NLRC5: variants seen among roughly 807,000 people sequenced by gnomAD.
The protein encoded by NLRC5 is NLR family CARD domain containing 5.
A neutral mutation model predicts 206.9 loss-of-function variants in NLRC5; 114 were observed. The observed-to-expected ratio is 0.55, with a 90% CI of 0.47 to 0.64. The LOEUF (loss-of-function observed/expected upper bound fraction) is 0.64. Among genes scored for constraint, NLRC5 ranks in the 30% least tolerant of loss-of-function variants. NLRC5 has a pLI of 0.00. For missense variants in NLRC5, 2,008 were observed against 2,305.5 expected, an observed-to-expected ratio of 0.87 and a Z score of 2.64; for synonymous variants, 952 against 962.8, an observed-to-expected ratio of 0.99 and a Z score of 0.21.
At chr16:57,038,238 G>A (rs911724931) in intron 15 of NLRC5, among the ~76,000 whole-genome samples, 40 of 152,152 alleles carry the variant, frequency 2.6e-4, no homozygotes, top group African/African-American at 8.7e-4. Context: ...ATGGAGGGGT[G>A]ACGGGGAGTT....
intron 33 of NLRC5, among the ~76,000 whole-genome samples, chr16:57,066,218 C>T (rs986500397): frequency 2.6e-5 from 4 of 152,034 alleles, no homozygotes; most frequent in African/African-American, 7.3e-5. Context: ...AGGAGGATCA[C>T]TGAAGCCCAG....
In NLRC5 at chr16:57,030,711, G is replaced by A. The variant is rs576622783; in HGVS notation, c.2417+627G>A. Among the ~76,000 whole-genome samples, 5 of 152,296 alleles carry A rather than the reference G, an allele frequency of 3.3e-5. No homozygotes were observed. In the East Asian group the frequency reaches 9.6e-4, roughly 29 times the overall value. On this transcript the variant is annotated intron_variant, in intron 10 of 48. Transcript: ENST00000688547. ...CTACGAAGCACAGGCATAGCCAAAG[G>A]AATAATTAGCTGTGTGTTGCCCTCC...
At chr16:57,078,066 G>A (rs530974555) in intron 43 of NLRC5, 46 bp downstream of exon 43, 8 of 1,485,402 alleles carry the variant, frequency 5.4e-6, no homozygotes, top group Admixed American at 4.3e-5. Flanking sequence ...TGGGGAGGAG[G>A]GTCCTCGGGA....
At chr16:57,041,745 T>A (rs1446578431) in intron 18 of NLRC5, among the ~76,000 whole-genome samples, 171 bp downstream of exon 18, 2 of 152,014 alleles carry the variant, frequency 1.3e-5, no homozygotes, top group African/African-American at 4.8e-5. Flanking sequence ...AAGATACAGA[T>A]CCCCCATGTC....
intron 1 of NLRC5, among the ~76,000 whole-genome samples, chr16:57,016,622 TTAAAAAAC>T (rs1453598129): frequency 6.6e-6 from 1 of 152,214 alleles, no homozygotes; most frequent in African/African-American, 2.4e-5. Flanking sequence ...TCTCAATTGT[TTAAAAAAC>T]TAACTAAATA....
Position 57,054,780 on chromosome 16 carries a change from G to T in NLRC5, c.3536G>T (p.Ser1179Ile). 1 of 1,613,900 alleles carries T rather than the reference G, an allele frequency of 6.2e-7. No individual in the cohort carries two copies. Among genetic ancestry groups the T allele is most frequent in the South Asian group, 1.1e-5 (1 of 91,072 alleles). Residue 1179 changes from serine (S) to isoleucine (I), a missense_variant, in exon 25 of 49, where the codon AGC becomes ATC. Transcript: ENST00000688547. ...QLSQTGLSPKSPFLLANTLSL... is the reference protein window; with the variant it reads ...QLSQTGLSPKIPFLLANTLSL... ...AGCCAGACGGGACTGTCCCCGAAAAGCCCCTTCCTGCTGGCCAACACCTTA... is the reference window on the plus strand; with the variant it reads ...AGCCAGACGGGACTGTCCCCGAAAATCCCCTTCCTGCTGGCCAACACCTTA...
chr16:56,992,001 G>C (rs184539983), intron 1 of NLRC5: 3 of 152,222 alleles, frequency 2.0e-5, no homozygotes, highest in Admixed American at 1.3e-4. Context: ...CCTTATAAGA[G>C]AGGAGATGGA....
rs114748726 is a variant in NLRC5, at chr16:57,078,040, T to C, written c.5081+20T>C. Reference sequence around the variant, plus strand: ...CCTACAGTGAGTGGCCCCCTGCCCATACCATGCAGGGCTGGTGGGGAGGAG... The same window carrying C: ...CCTACAGTGAGTGGCCCCCTGCCCACACCATGCAGGGCTGGTGGGGAGGAG... On this transcript the variant is annotated intron_variant, in intron 43 of 48. Transcript: ENST00000688547. The C allele has an allele frequency of 1.4e-3, 2,187 of 1,568,018 alleles. 34 individuals are homozygous for C. In the African/African-American group the frequency reaches 0.027, roughly 19 times the overall value.
chr16:57,073,984 C>G (rs545375702), intron 38 of NLRC5, among the ~76,000 whole-genome samples: 10 of 152,354 alleles, frequency 6.6e-5, no homozygotes, highest in African/African-American at 2.2e-4. Flanking sequence ...TAAGAGCAAT[C>G]TCCCCTGCTA....
chr16:56,995,942 C>T (rs1463029222), intron 1 of NLRC5, among the ~76,000 whole-genome samples: 1 of 152,166 alleles, frequency 6.6e-6, no homozygotes, highest in African/African-American at 2.4e-5. Context: ...GCATCCGATT[C>T]CATTGAATCG....
intron 1 of NLRC5, among the ~76,000 whole-genome samples, chr16:56,997,170 C>A (rs1280876618): frequency 6.6e-6 from 1 of 152,142 alleles, no homozygotes; most frequent in Admixed American, 6.5e-5. Context: ...CTGTGCCCGG[C>A]CAGCATAGAT....
intron 39 of NLRC5, 53 bp downstream of exon 39, chr16:57,074,736 CAGTT>C: frequency 6.6e-7 from 1 of 1,525,776 alleles, no homozygotes; most frequent in Non-Finnish European, 9.1e-7. Context: ...ACTTCCCACT[CAGTT>C]GGGACCACAT....
Position 57,061,676 on chromosome 16 carries a change from C to A in NLRC5, c.4129C>A (p.Arg1377=). 1 of 1,608,458 alleles carries A rather than the reference C, an allele frequency of 6.2e-7. No homozygotes were observed. The highest frequency in any genetic ancestry group is 8.5e-7 in the Non-Finnish European group (1 of 1,178,896). ...QLAILLSLVG[R]PAGLFSLRVQ... ...GGCCATCCTCCTGAGCTTGGTGGGG[C>A]GACCCGCAGGGCTGTTCAGCCTCAG... The change falls in exon 32 of 49, where the codon CGA becomes AGA. Residue 1377 remains arginine (R), a synonymous_variant. Coordinates refer to ENST00000688547, the MANE Select transcript of NLRC5 (RefSeq NM_001384950.1).
intron 12 of NLRC5, 80 bp downstream of exon 12, chr16:57,033,749 G>T: frequency 7.4e-7 from 1 of 1,351,358 alleles, no homozygotes; most frequent in Non-Finnish European, 1.1e-6. Context: ...CAGGGGCAGG[G>T]AGGATAAAGG....
rs2063564204 is a variant in NLRC5, at chr16:57,043,658, A to G, written c.3203+54A>G. ...GCCCCTGTCCCCCATCCCACAGGTC[A>G]TCTGCTCCCACGTGGGCCCCTTGTC... On this transcript the variant is annotated intron_variant, in intron 20 of 48. Transcript: ENST00000688547. 4.9e-6 allele frequency: 7 copies of G among 1,425,346 alleles called. No individual in the cohort carries two copies. In the South Asian group the frequency reaches 8.0e-5, roughly 16 times the overall value. The allele number at this position is 1,425,346 out of a possible 1,614,324, so 88.3% of individuals were successfully genotyped here. A position where few individuals can be genotyped will look rare whatever the true frequency, so the allele number is the denominator to read the frequency against.
chr16:57,061,359 C>T, intron 30 of NLRC5, 89 bp from the exon 31 acceptor site: 1 of 1,316,916 alleles, frequency 7.6e-7, no homozygotes, highest in South Asian at 1.3e-5. Context: ...GGGATGCTCC[C>T]CCAATAGGCC....
chr16:57,037,243 G>A lies in NLRC5; in HGVS notation c.2760G>A (p.Arg920=). Residue 920 remains arginine (R), a synonymous_variant, in exon 15 of 49, where the codon AGG becomes AGA. Coordinates refer to ENST00000688547, the MANE Select transcript of NLRC5 (RefSeq NM_001384950.1). ...LSVAGVHCVL[R]AVSACWTLAE... ...TGGCCGGGGTGCATTGTGTGCTGAG[G>A]GCCGTGAGTGCGTGCTGGACCCTGG... The A allele has an allele frequency of 1.9e-6, 3 of 1,613,748 alleles. No homozygotes were observed. The highest frequency in any genetic ancestry group is 2.5e-6 in the Non-Finnish European group (3 of 1,179,974).
Position 57,067,403 on chromosome 16 carries a change from C to T in NLRC5, c.4339C>T (p.Leu1447Phe). Reference sequence around the variant, plus strand: ...TGTGTCCAGGTTGGCTCACTGTGACCTTGGAGCCCACCACAGCCTTCTTGT... The same window carrying T: ...TGTGTCCAGGTTGGCTCACTGTGACTTTGGAGCCCACCACAGCCTTCTTGT... ...AVALRLAHCD[L>F]GAHHSLLVGQ... The change falls in exon 35 of 49, where the codon CTT (leucine) becomes TTT (phenylalanine). Residue 1447 changes from leucine (L) to phenylalanine (F), a missense_variant. Coordinates refer to ENST00000688547, the MANE Select transcript of NLRC5 (RefSeq NM_001384950.1). The T allele has an allele frequency of 1.2e-6, 2 of 1,614,216 alleles. No homozygotes were observed. The highest frequency in any genetic ancestry group is 1.1e-5 in the South Asian group (1 of 91,088).
Position 57,026,923 on chromosome 16 carries a change from C to T in NLRC5, c.1980C>T (p.His660=). ...DLATLTNILE[H]REAPIHLDFD... ...CCACCCTGACCAACATCCTAGAGCACAGGGAGGCCCCCATCCACCTGGATT... is the reference window on the plus strand; with the variant it reads ...CCACCCTGACCAACATCCTAGAGCATAGGGAGGCCCCCATCCACCTGGATT... Residue 660 remains histidine (H), a synonymous_variant, in exon 6 of 49, where the codon CAC becomes CAT. Transcript: ENST00000688547. 6.2e-7 allele frequency: 1 copy of T among 1,614,188 alleles called. No homozygotes were observed. Among genetic ancestry groups the T allele is most frequent in the Non-Finnish European group, 8.5e-7 (1 of 1,180,038 alleles).
Sources: gnomAD v4.1 joint callset for allele counts (sites outside exome capture counted in the v4.1 genomes callset) on GRCh38, gnomAD v4.1.1 for gene constraint, MANE v1.5 for transcripts, NCBI Gene and HGNC (gene_info 2026-07-23, HGNC 2026-07-21) for gene names.